TANGO6: variants seen among roughly 807,000 people sequenced by gnomAD.
TANGO6 encodes the protein transport and Golgi organization protein 6 homolog.
In TANGO6, 90 loss-of-function variants were observed where a neutral mutation model predicts 114.2. That is an observed-to-expected ratio of 0.79 (90% CI 0.66 to 0.94). The LOEUF is 0.94. Among genes scored for constraint, TANGO6 ranks in the 40% least tolerant of loss-of-function variants. TANGO6 has a pLI of 0.00. For synonymous variants in TANGO6, 477 were observed against 509.8 expected (o/e 0.94, Z 0.87); for missense variants, 1,274 against 1,315.3 (o/e 0.97, Z 0.49).
At position 69,022,976 on chromosome 16, in the gene TANGO6, T is replaced by C. The variant is rs371227675; in HGVS notation, c.2991T>C (p.His997=). 3.2e-6 allele frequency: 5 copies of C among 1,582,182 alleles called. No homozygotes were observed. The Admixed American group carries it at 5.9e-5, about 19-fold the overall frequency. Reference sequence around the variant, plus strand: ...ACTTTCTGCTGGGCTCCGTGGTCCATGAGGTACTGTATTTTGATTCCTTTC... The same window carrying C: ...ACTTTCTGCTGGGCTCCGTGGTCCACGAGGTACTGTATTTTGATTCCTTTC... ...RLDFLLGSVV[H]EVTACLIAVA... Residue 997 remains histidine, a synonymous_variant, in exon 16 of 18, where the codon CAT becomes CAC. Coordinates refer to ENST00000261778, the MANE Select transcript of TANGO6 (RefSeq NM_024562.2).
intron 17 of TANGO6, among the ~76,000 whole-genome samples, chr16:69,045,462 G>C (rs1015380323): frequency 2.1e-5 from 2 of 96,100 alleles, no homozygotes; most frequent in African/African-American, 8.9e-5. Context: ...AAAAAAAAAA[G>C]GCTGGGTGCA....
chr16:69,063,174 G>A (rs1462195057), intron 17 of TANGO6, among the ~76,000 whole-genome samples: 1 of 149,114 alleles, frequency 6.7e-6, no homozygotes, highest in African/African-American at 2.5e-5. Flanking sequence ...GTTGAGCCAA[G>A]ATCGCGCCAT....
chr16:68,974,793 A>C (rs1485189767), intron 15 of TANGO6, among the ~76,000 whole-genome samples: 1 of 152,120 alleles, frequency 6.6e-6, no homozygotes, highest in African/African-American at 2.4e-5. Context: ...GAGGAATGTC[A>C]GCTGGGCACC....
At chr16:68,998,957 A>G (rs1463424829) in intron 15 of TANGO6, among the ~76,000 whole-genome samples, 1 of 151,864 alleles carries the variant, frequency 6.6e-6, no homozygotes, top group East Asian at 2.0e-4. Flanking sequence ...ATCTTGGCTC[A>G]CTGCAGCCTC....
chr16:68,888,787 C>G (rs1028144877), intron 7 of TANGO6, among the ~76,000 whole-genome samples: 1 of 151,914 alleles, frequency 6.6e-6, no homozygotes, highest in Non-Finnish European at 1.5e-5. Flanking sequence ...ATAAGTGTAA[C>G]CTCTCACTTT....
At position 68,867,112 on chromosome 16, in the gene TANGO6, C is replaced by T. The variant is rs538301430; in HGVS notation, c.886C>T (p.Arg296Trp). ...CTDVKTQMRC[R>W]APAWLRRLCG... is the part of the protein sequence containing the mutation. ...AGATGTGAAGACACAGATGAGGTGT[C>T]GGGCCCCAGCTTGGCTTCGGCGTCT... The change falls in exon 4 of 18, where the codon CGG becomes TGG. Residue 296 changes from arginine to tryptophan, a missense_variant. Transcript: ENST00000261778. 40 of 1,612,722 alleles carry T rather than the reference C, an allele frequency of 2.5e-5. No homozygotes were observed. The highest frequency in any genetic ancestry group is 1.5e-4 in the African/African-American group (11 of 74,680).
chr16:68,900,688 AT>A (rs1470371943), intron 8 of TANGO6, 142 bp downstream of exon 8: 1 of 724,294 alleles, frequency 1.4e-6, no homozygotes, highest in Non-Finnish European at 2.2e-6. Context: ...GGATCTTCCT[AT>A]TTTGCTCATC....
At chr16:68,905,369 C>T (rs535243388) in intron 9 of TANGO6, among the ~76,000 whole-genome samples, 16 of 151,678 alleles carry the variant, frequency 1.1e-4, no homozygotes, top group South Asian at 6.3e-4. Context: ...AACCCTGTCT[C>T]TACTAAAAAT....
chr16:69,063,341 A>G (rs948676623), intron 17 of TANGO6, among the ~76,000 whole-genome samples: 11 of 151,462 alleles, frequency 7.3e-5, no homozygotes, highest in South Asian at 4.2e-4. Flanking sequence ...TGGCTAACAC[A>G]GTGAAACCCC....
At chr16:68,928,186 C>T in intron 13 of TANGO6, 103 bp downstream of exon 13, 3 of 1,343,194 alleles carry the variant, frequency 2.2e-6, no homozygotes, top group Non-Finnish European at 2.9e-6. Flanking sequence ...TGTTCTGGAC[C>T]ACCCTCCAGA....
At position 69,027,993 on chromosome 16, in the gene TANGO6, A is replaced by G. The variant is rs59898937; in HGVS notation, c.2994+5014A>G. Among the ~76,000 whole-genome samples, 1,437 of 151,414 alleles carry G rather than the reference A, an allele frequency of 9.5e-3. 22 individuals are homozygous for G. Among genetic ancestry groups the G allele is most frequent in the African/African-American group, 0.033 (1,362 of 41,242 alleles). On this transcript the variant is annotated intron_variant, in intron 16 of 17. Transcript: ENST00000261778. ...TTTTTGTTTTTTGAGACAGAGTCTCACTGTTGCCCAGGCTGGAGTGCAGTG... is the reference window on the plus strand; with the variant it reads ...TTTTTGTTTTTTGAGACAGAGTCTCGCTGTTGCCCAGGCTGGAGTGCAGTG...
chr16:68,923,178 G>A (rs1168018721), intron 12 of TANGO6, among the ~76,000 whole-genome samples: 4 of 150,186 alleles, frequency 2.7e-5, no homozygotes, highest in South Asian at 4.2e-4. Flanking sequence ...GGCTAGTCCC[G>A]AACTCCTGAC....
intron 12 of TANGO6, among the ~76,000 whole-genome samples, chr16:68,923,650 A>G (rs1215570956): frequency 6.6e-6 from 1 of 152,214 alleles, no homozygotes; most frequent in East Asian, 1.9e-4. Context: ...GCTTTCAAGC[A>G]GCCTCATTTA....
chr16:68,972,490 C>G (rs1040166786), intron 14 of TANGO6, among the ~76,000 whole-genome samples: 2 of 152,158 alleles, frequency 1.3e-5, no homozygotes, highest in African/African-American at 2.4e-5. Flanking sequence ...ATTTATATTA[C>G]TTCTTCCCCA....
At chr16:69,062,066 T>C (rs1360256968) in intron 17 of TANGO6, among the ~76,000 whole-genome samples, 1 of 152,224 alleles carries the variant, frequency 6.6e-6, no homozygotes, top group Non-Finnish European at 1.5e-5. Context: ...TGACTTTCTC[T>C]ATCTTCAGAC....
intron 17 of TANGO6, among the ~76,000 whole-genome samples, chr16:69,059,568 G>A (rs141773135): frequency 6.6e-6 from 1 of 151,920 alleles, no homozygotes; most frequent in African/African-American, 2.4e-5. Context: ...TCACCAGGCT[G>A]GAGTGTAATG....
intron 17 of TANGO6, among the ~76,000 whole-genome samples, chr16:69,075,619 A>G (rs1960362273): frequency 1.3e-5 from 2 of 151,430 alleles, no homozygotes; most frequent in South Asian, 4.2e-4. Context: ...ACACCTGGCT[A>G]ATTTTTGTAC....
rs370218672 is a variant in TANGO6, at chr16:68,867,196, C to T, written c.970C>T (p.Arg324Trp). Reference protein sequence around the residue: ...MRPNGVQAVVRGILEGAGAGA... With the variant: ...MRPNGVQAVVWGILEGAGAGA... ...ACCTAATGGTGTTCAGGCAGTAGTCCGGGGCATTTTGGAAGGAGCAGGTGG... is the reference window on the plus strand; with the variant it reads ...ACCTAATGGTGTTCAGGCAGTAGTCTGGGGCATTTTGGAAGGAGCAGGTGG... The change falls in exon 4 of 18, where the codon CGG becomes TGG. Residue 324 changes from arginine to tryptophan, a missense_variant. Around this residue, in one of 5 missense-constraint regions of TANGO6, gnomAD observed 908 missense variants for 910.2 expected, o/e 1.00. Coordinates refer to ENST00000261778, the MANE Select transcript of TANGO6 (RefSeq NM_024562.2). 63 of 1,613,692 alleles carry T rather than the reference C, an allele frequency of 3.9e-5. No homozygotes were observed. Among genetic ancestry groups the T allele is most frequent in the South Asian group, 2.6e-4 (24 of 91,058 alleles).
chr16:68,955,409 CAG>C (rs1301648517), intron 14 of TANGO6, among the ~76,000 whole-genome samples: 2 of 152,156 alleles, frequency 1.3e-5, no homozygotes, highest in African/African-American at 4.8e-5. Context: ...CCATTCATAA[CAG>C]GGGACATACA....
Sources: gnomAD v4.1 joint callset for allele counts (sites outside exome capture counted in the v4.1 genomes callset) on GRCh38, gnomAD v4.1.1 for gene constraint, gnomAD v4.1.1 regional missense constraint, MANE v1.5 for transcripts, NCBI Gene and HGNC (gene_info 2026-07-23, HGNC 2026-07-21) for gene names.